MICU3: variants seen among roughly 807,000 people sequenced by gnomAD.
The protein encoded by MICU3 is calcium uptake protein 3, mitochondrial.
Under a neutral mutation model 66.5 loss-of-function variants are expected in MICU3, and 62 were observed. The ratio of observed to expected loss-of-function variants is 0.93; its 90% confidence interval spans 0.76 to 1.15. The LOEUF (loss-of-function observed/expected upper bound fraction) is 1.15, where lower values mean the gene tolerates loss of function less well. Ranked by LOEUF, MICU3 falls within the 50% of genes most tolerant of loss-of-function variation. The pLI is 0.00. For missense variants in MICU3, 779 were observed against 664.4 expected (o/e 1.17, Z -1.90); for synonymous variants, 308 against 240.7 (o/e 1.28, Z -2.59).
intron 7 of MICU3, among the ~76,000 whole-genome samples, chr8:17,089,074 A>G (rs888504515): frequency 6.6e-6 from 1 of 151,948 alleles, no homozygotes; most frequent in Non-Finnish European, 1.5e-5. Flanking sequence ...TAAGTAATAT[A>G]ATATATAATT....
chr8:17,128,229 T>TACAC, the MICU3 span, among the ~76,000 whole-genome samples: 3,898 of 144,494 alleles, frequency 0.027, 128 homozygotes, highest in African/African-American at 0.075. Context: ...GAGATCAGTG[T>TACAC]ACACACACAC....
rs543919908 is a variant in MICU3 at position 17,112,769 on chromosome 8, C to T, written c.1258-1324C>T. ...ATATTCCATCCTCGTGTGTTTTACT[C>T]CTACTAACAGTAGCCTGTCACTCAG... is the stretch of plus-strand genomic sequence containing the variant. On this transcript the variant is annotated intron_variant, in intron 11 of 14. Coordinates refer to ENST00000318063, the MANE Select transcript of MICU3 (RefSeq NM_181723.3). Among the ~76,000 whole-genome samples, 5 of 152,246 alleles carry T rather than the reference C, an allele frequency of 3.3e-5. No individual in the cohort carries two copies. The East Asian group carries it at 7.7e-4, about 24-fold the overall frequency.
chr8:17,123,306 C>G (rs1680797912), downstream of MICU3, among the ~76,000 whole-genome samples: 1 of 152,066 alleles, frequency 6.6e-6, no homozygotes. Flanking sequence ...ATAATTGTGA[C>G]TATACGCACA....
chr8:17,124,357 G>C (rs889075616), downstream of MICU3, among the ~76,000 whole-genome samples: 4 of 152,042 alleles, frequency 2.6e-5, no homozygotes, highest in African/African-American at 9.7e-5. Context: ...CCAGACTGGT[G>C]ACCAGAACTA....
At chr8:17,050,519 C>T (rs894183386) in intron 1 of MICU3, among the ~76,000 whole-genome samples, 1 of 152,028 alleles carries the variant, frequency 6.6e-6, no homozygotes, top group Non-Finnish European at 1.5e-5. Flanking sequence ...GCAAAATTAA[C>T]AAGCACCTTA....
intron 1 of MICU3, among the ~76,000 whole-genome samples, chr8:17,052,459 A>G (rs1353085368): frequency 1.3e-5 from 2 of 152,150 alleles, no homozygotes; most frequent in African/African-American, 2.4e-5. Context: ...AATTTCTTCT[A>G]TCTTACTGTG....
At chr8:17,135,653 G>T in the MICU3 span, among the ~76,000 whole-genome samples, 2 of 152,184 alleles carry the variant, frequency 1.3e-5, no homozygotes, top group East Asian at 3.9e-4. Context: ...GCCTCCAGAA[G>T]AGTGTAAAAT....
chr8:17,096,477 G>C (rs1800700865), intron 8 of MICU3, among the ~76,000 whole-genome samples: 1 of 151,824 alleles, frequency 6.6e-6, no homozygotes, highest in Admixed American at 6.6e-5. Context: ...CTCCAGAACA[G>C]TTACATATAT....
intron 1 of MICU3, among the ~76,000 whole-genome samples, chr8:17,033,456 G>A (rs1357993305): frequency 1.3e-5 from 2 of 151,164 alleles, no homozygotes; most frequent in Non-Finnish European, 2.9e-5. Flanking sequence ...TTTTTTTTGA[G>A]ACCGAGTCTT....
intron 1 of MICU3, among the ~76,000 whole-genome samples, chr8:17,047,306 G>T (rs148144492): frequency 1.3e-5 from 2 of 152,258 alleles, no homozygotes; most frequent in East Asian, 3.9e-4. Context: ...TGAAGAAACT[G>T]CACAGAATGT....
intron 9 of MICU3, among the ~76,000 whole-genome samples, chr8:17,102,135 A>G (rs1483601260): frequency 6.6e-6 from 1 of 151,790 alleles, no homozygotes; most frequent in African/African-American, 2.4e-5. Context: ...GCTATTTGTG[A>G]AGCAAGCAAC....
chr8:17,117,217 G>A (rs907084197), intron 13 of MICU3, among the ~76,000 whole-genome samples: 1 of 151,962 alleles, frequency 6.6e-6, no homozygotes, highest in Admixed American at 6.6e-5. Context: ...GGCTCAAGCA[G>A]TCCTCCTGCC....
In MICU3 at chr8:17,027,445, G is replaced by A. The variant is rs1469019412; in HGVS notation, c.166G>A (p.Ala56Thr). The A allele has an allele frequency of 5.4e-6, 7 of 1,305,650 alleles. No individual in the cohort carries two copies. The highest frequency in any genetic ancestry group is 6.8e-6 in the Non-Finnish European group (7 of 1,031,858). 80.9% of individuals were successfully genotyped at this position (1,305,650 alleles called of 1,614,324 possible). A position where few individuals can be genotyped will look rare whatever the true frequency, so the allele number is the denominator to read the frequency against. ...GGATGAGGAGAGGGCTGTGGCGGAG[G>A]CGGCATGGAGGCGGCGGCGGCGCTG... ...REDEERAVAE[A>T]AWRRRRRWGE... Residue 56 changes from alanine (A) to threonine (T), a missense_variant, in exon 1 of 15, where the codon GCG becomes ACG. Ala to Thr is a moderately conservative substitution (Grantham distance 58). Coordinates refer to ENST00000318063, the MANE Select transcript of MICU3 (RefSeq NM_181723.3).
At chr8:17,050,003 A>G (rs1185413702) in intron 1 of MICU3, among the ~76,000 whole-genome samples, 2 of 152,120 alleles carry the variant, frequency 1.3e-5, no homozygotes, top group Non-Finnish European at 2.9e-5. Flanking sequence ...CATAGTCACA[A>G]ACTATTCCAT....
rs763304294 is a variant in MICU3, at chr8:17,104,429, A to G, written c.1023A>G (p.Thr341=). Residue 341 remains threonine, a synonymous_variant, in exon 10 of 15, where the codon ACA becomes ACG. Transcript: ENST00000318063. The part of the protein sequence containing the change: ...DDITSLVTDT[T]LLVHFFGKKG... Reference sequence around the variant, plus strand: ...TCACAAGTTTAGTAACAGATACTACACTTCTTGTACACTTTTTTGGAAAGA... The same window carrying G: ...TCACAAGTTTAGTAACAGATACTACGCTTCTTGTACACTTTTTTGGAAAGA... 5.0e-5 allele frequency: 73 copies of G among 1,461,078 alleles called. No individual in the cohort carries two copies. Among genetic ancestry groups the G allele is most frequent in the Middle Eastern group, 1.8e-4 (1 of 5,446 alleles). 90.5% of individuals were successfully genotyped at this position (1,461,078 alleles called of 1,614,324 possible). A position where few individuals can be genotyped will look rare whatever the true frequency, so the allele number is the denominator to read the frequency against.
At chr8:17,128,309 A>C in the MICU3 span, among the ~76,000 whole-genome samples, 1 of 152,088 alleles carries the variant, frequency 6.6e-6, no homozygotes, top group African/African-American at 2.4e-5. Context: ...AGAGTCTTAC[A>C]TGATAATCAA....
At chr8:17,065,769 T>C (rs1335640882) in intron 2 of MICU3, among the ~76,000 whole-genome samples, 2 of 151,908 alleles carry the variant, frequency 1.3e-5, no homozygotes, top group East Asian at 3.9e-4. Context: ...ATTGCAGGAG[T>C]GAGTAGCAGA....
chr8:17,115,330 A>C (rs1238214625), intron 12 of MICU3, among the ~76,000 whole-genome samples: 2 of 152,202 alleles, frequency 1.3e-5, no homozygotes, highest in East Asian at 3.9e-4. Context: ...CAAATATGGC[A>C]TATTCTCAAC....
intron 14 of MICU3, among the ~76,000 whole-genome samples, chr8:17,119,560 G>GATAGATAGATAGATAGATAA (rs1554541292): frequency 2.0e-5 from 3 of 149,940 alleles, no homozygotes; most frequent in African/African-American, 7.5e-5. Flanking sequence ...TAGATAGATA[G>GATAGATAGATAGATAGATAA]ATAGATAGAT....
Sources: gnomAD v4.1 joint callset for allele counts (sites outside exome capture counted in the v4.1 genomes callset) on GRCh38, gnomAD v4.1.1 for gene constraint, MANE v1.5 for transcripts, NCBI Gene and HGNC (gene_info 2026-07-23, HGNC 2026-07-21) for gene names.